The following AMZ2 variants were observed in gnomAD, a reference collection of about 807,000 sequenced individuals.
AMZ2 encodes the protein archaemetzincin-2.
In AMZ2, 26 loss-of-function variants were observed where a neutral mutation model predicts 36.7. The ratio of observed to expected loss-of-function variants is 0.71; its 90% CI spans 0.52 to 0.98. The LOEUF is 0.98. Ranked by LOEUF, AMZ2 falls within the 50% of genes least tolerant of loss-of-function variation. AMZ2 has a pLI of 0.00. For synonymous variants in AMZ2, 144 were observed against 149.1 expected, an observed-to-expected ratio of 0.97 and a Z score of 0.25; for missense variants, 394 against 430.5, an observed-to-expected ratio of 0.92 and a Z score of 0.75.
intron 4 of AMZ2, among the ~76,000 whole-genome samples, chr17:68,253,200 A>G (rs2074619362): frequency 6.6e-6 from 1 of 152,262 alleles, no homozygotes; most frequent in Non-Finnish European, 1.5e-5. Context: ...ATAAAGGAAT[A>G]GATTTAGTGT....
chr17:68,216,424 A>C (rs2073196654), intron 1 of AMZ2, among the ~76,000 whole-genome samples: 1 of 152,310 alleles, frequency 6.6e-6, no homozygotes, highest in South Asian at 2.1e-4. Context: ...CTGGGTCACC[A>C]TGCCCTGCCT....
chr17:68,208,758 C>A (rs552871166), intron 1 of AMZ2, among the ~76,000 whole-genome samples: 1 of 152,182 alleles, frequency 6.6e-6, no homozygotes, highest in Non-Finnish European at 1.5e-5. Context: ...CTAAAGCCAG[C>A]GAGACCACGA....
chr17:68,237,638 C>G (rs2073818090), intron 1 of AMZ2, among the ~76,000 whole-genome samples: 1 of 152,160 alleles, frequency 6.6e-6, no homozygotes, highest in African/African-American at 2.4e-5. Context: ...GCTCACGGTC[C>G]TAGGGTAACC....
intron 1 of AMZ2, among the ~76,000 whole-genome samples, chr17:68,217,388 C>G (rs1555727557): frequency 6.6e-6 from 1 of 152,084 alleles, no homozygotes; most frequent in East Asian, 1.9e-4. Flanking sequence ...TTCAAATTGC[C>G]TTTTTTGATG....
chr17:68,216,870 AAC>A (rs1555727379), intron 1 of AMZ2, among the ~76,000 whole-genome samples: 1 of 152,060 alleles, frequency 6.6e-6, no homozygotes, highest in East Asian at 1.9e-4. Flanking sequence ...CTCTACTAAA[AAC>A]ACACAAAAAA....
intron 1 of AMZ2, among the ~76,000 whole-genome samples, chr17:68,211,916 CTTTGTCCT>C (rs1302682381): frequency 6.6e-6 from 1 of 150,560 alleles, no homozygotes; most frequent in African/African-American, 2.4e-5. Flanking sequence ...AATCAGTTCC[CTTTGTCCT>C]TTTAAGTTAT....
At chr17:68,232,142 AG>A (rs1243271820) in intron 1 of AMZ2, among the ~76,000 whole-genome samples, 4 of 142,038 alleles carry the variant, frequency 2.8e-5, no homozygotes, top group East Asian at 2.1e-4. Context: ...AAAAAAAAAA[AG>A]GTATATTTAC....
intron 1 of AMZ2, among the ~76,000 whole-genome samples, chr17:68,224,656 C>T (rs1438704143): frequency 6.6e-6 from 1 of 151,736 alleles, no homozygotes; most frequent in African/African-American, 2.4e-5. Flanking sequence ...CTTCCAGTCT[C>T]AGCCTCCCCA....
chr17:68,208,604 G>A (rs2072918203), intron 1 of AMZ2, among the ~76,000 whole-genome samples: 1 of 152,340 alleles, frequency 6.6e-6, no homozygotes, highest in East Asian at 1.9e-4. Flanking sequence ...CCAGCCAGCA[G>A]TGGCAACCCA....
chr17:68,229,409 C>T (rs1555730682), intron 1 of AMZ2, among the ~76,000 whole-genome samples: 1 of 152,202 alleles, frequency 6.6e-6, no homozygotes, highest in African/African-American at 2.4e-5. Context: ...GTGTTCCTGC[C>T]TGTGCTAGAA....
chr17:68,229,209 C>T (rs1243326918), intron 1 of AMZ2, among the ~76,000 whole-genome samples: 18 of 152,200 alleles, frequency 1.2e-4, no homozygotes, highest in African/African-American at 4.3e-4. Flanking sequence ...GTAGAGGTAG[C>T]CCTGATTCCA....
intron 1 of AMZ2, among the ~76,000 whole-genome samples, chr17:68,239,932 T>G (rs1312777180): frequency 2.6e-5 from 4 of 152,218 alleles, no homozygotes; most frequent in African/African-American, 7.2e-5. Context: ...AAAAGTAGTA[T>G]AGTTACTATC....
At position 68,250,023 on chromosome 17, in the gene AMZ2, C is replaced by G. The variant is rs1241201629; in HGVS notation, c.1-165C>G. The G allele has an allele frequency of 7.9e-5, 54 of 680,678 alleles. No individual in the cohort carries two copies. In the South Asian group the frequency reaches 9.6e-4, roughly 12 times the overall value. 42.2% of individuals were successfully genotyped at this position (680,678 alleles called of 1,614,324 possible). On this transcript the variant is annotated intron_variant, in intron 1 of 6. Transcript: ENST00000359904. Reference sequence around the variant, plus strand: ...TTGTCTTTTTAATTTCTTAGATCTCCAAGAAATTGGACATGAGGAAACCAC... The same window carrying G: ...TTGTCTTTTTAATTTCTTAGATCTCGAAGAAATTGGACATGAGGAAACCAC...
At chr17:68,223,674 G>T (rs2073427214) in intron 1 of AMZ2, among the ~76,000 whole-genome samples, 1 of 151,406 alleles carries the variant, frequency 6.6e-6, no homozygotes, top group Non-Finnish European at 1.5e-5. Context: ...CAAGTAGCTG[G>T]GATTACAGGT....
chr17:68,254,640 G>C, intron 5 of AMZ2, 73 bp downstream of exon 5: 2 of 1,275,244 alleles, frequency 1.6e-6, no homozygotes, highest in East Asian at 2.4e-5. Flanking sequence ...TATATTGTCA[G>C]TCCGTAAGGT....
chr17:68,257,053 C>T lies in AMZ2; in HGVS notation c.*84C>T. On this transcript the variant is annotated 3_prime_UTR_variant, in exon 7 of 7. Coordinates refer to ENST00000359904, the MANE Select transcript of AMZ2 (RefSeq NM_016627.5). The stretch of plus-strand genomic sequence containing the variant: ...GGGTGGAATACTTCATTGGAATAAA[C>T]TACTGATCTTGTGCTGTGTCAAAGT... The T allele has an allele frequency of 7.0e-7, 1 of 1,420,384 alleles. No homozygotes were observed. Among genetic ancestry groups the T allele is most frequent in the Admixed American group, 1.9e-5 (1 of 51,358 alleles). The allele number at this position is 1,420,384 out of a possible 1,614,324, so 88.0% of individuals were successfully genotyped here.
chr17:68,240,872 T>G (rs1360428905), intron 1 of AMZ2, among the ~76,000 whole-genome samples: 1 of 152,186 alleles, frequency 6.6e-6, no homozygotes, highest in Non-Finnish European at 1.5e-5. Context: ...CCCAGATAAA[T>G]TCTCAATCAA....
intron 1 of AMZ2, among the ~76,000 whole-genome samples, chr17:68,227,171 C>T (rs1323764286): frequency 3.3e-5 from 5 of 152,126 alleles, no homozygotes; most frequent in African/African-American, 9.7e-5. Context: ...GGTGTCACAC[C>T]CATCTCAGCG....
At chr17:68,225,368 A>G (rs1326420952) in intron 1 of AMZ2, among the ~76,000 whole-genome samples, 1 of 152,154 alleles carries the variant, frequency 6.6e-6, no homozygotes, top group Admixed American at 6.5e-5. Context: ...TAGGATCTGT[A>G]AGTAAAATTC....
Sources: allele counts gnomAD v4.1 joint callset (sites outside exome capture counted in the v4.1 genomes callset), GRCh38; gene constraint gnomAD v4.1.1; transcripts MANE v1.5; gene names NCBI Gene and HGNC (gene_info 2026-07-23, HGNC 2026-07-21).